KIF12: variants seen among roughly 807,000 people sequenced by gnomAD.
KIF12 encodes kinesin family member 12.
KIF12 carries 80 observed loss-of-function variants against 87.9 expected under a neutral mutation model. The observed-to-expected ratio is 0.91, with a 90% CI of 0.76 to 1.10. The LOEUF (loss-of-function observed/expected upper bound fraction) is 1.10, where lower values mean the gene tolerates loss of function less well. Among genes scored for constraint, KIF12 ranks in the 50% least tolerant of loss-of-function variants. The pLI is 0.00. For synonymous variants in KIF12, 353 were observed against 348.5 expected, an observed-to-expected ratio of 1.01 and a Z score of -0.14; for missense variants, 819 against 865.3, an observed-to-expected ratio of 0.95 and a Z score of 0.67.
intron 7 of KIF12, among the ~76,000 whole-genome samples, chr9:114,096,941 G>T (rs1847255957): frequency 6.6e-6 from 1 of 152,238 alleles, no homozygotes; most frequent in Non-Finnish European, 1.5e-5. Flanking sequence ...TGGAAGGGTG[G>T]AGGGTCTGGA....
chr9:114,092,976 T>G, intron 16 of KIF12: 1 of 1,367,366 alleles, frequency 7.3e-7, no homozygotes, highest in Non-Finnish European at 9.6e-7. Flanking sequence ...AATCCATAAG[T>G]GAGTAGATAT....
intron 16 of KIF12, 118 bp from the exon 17 acceptor site, chr9:114,092,760 C>A: frequency 1.3e-6 from 2 of 1,497,172 alleles, no homozygotes; most frequent in South Asian, 1.3e-5. Flanking sequence ...CCAAGAATGT[C>A]AGGATGGCAT....
rs749381022 is a variant in KIF12, at chr9:114,097,741, C to G, written c.376G>C (p.Gly126Arg). 24 of 1,612,732 alleles carry G rather than the reference C, an allele frequency of 1.5e-5. No individual in the cohort carries two copies. The highest frequency in any genetic ancestry group is 1.7e-4 in the Middle Eastern group (1 of 5,954). Residue 126 changes from glycine to arginine, a missense_variant and splice_region_variant, in exon 6 of 19, where the codon GGG becomes CGG. Physicochemically the swap from Gly to Arg is moderately radical, Grantham distance 125 (BLOSUM62 -2). Coordinates refer to ENST00000640217, the MANE Select transcript of KIF12 (RefSeq NM_001388308.1). ...CTGGGGGGTACAGGCACCCCCTCCC[C>G]CTAGGGGCAAAACCAGCTGAGCCAT... The part of the protein sequence containing the change: ...TYTLTGPPPQ[G>R]EGVPVPPSLA...
Position 114,099,092 on chromosome 9 carries a change from A to G in KIF12, c.92+12T>C. 6.5e-7 allele frequency: 1 copy of G among 1,550,386 alleles called. No homozygotes were observed. The highest frequency in any genetic ancestry group is 8.7e-7 in the Non-Finnish European group (1 of 1,146,922). On this transcript the variant is annotated intron_variant, in intron 2 of 18. Coordinates refer to ENST00000640217, the MANE Select transcript of KIF12 (RefSeq NM_001388308.1). ...GTCTCGCCCAGGTGCCTCCTAGCCA[A>G]TTTATACCCACCTGAGCACCACCTG...
chr9:114,094,254 C>A lies in KIF12; in HGVS notation c.1240G>T (p.Ala414Ser), dbSNP rs1021273702. Residue 414 changes from alanine (A) to serine (S), a missense_variant, in exon 13 of 19, where the codon GCC (alanine) becomes TCC (serine). By Grantham distance (99) the Ala-to-Ser change is moderately conservative. Transcript: ENST00000640217. ...TTCCGCTGGGCCCAGGCCACCCGGG[C>A]TCCACTGAGCCCTGAGGCTGCAGGG... is the stretch of plus-strand genomic sequence containing the variant. ...MDCKASGLSG[A>S]RVAWAQRNLY... 1.2e-6 allele frequency: 2 copies of A among 1,613,966 alleles called. No individual in the cohort carries two copies. Among genetic ancestry groups the A allele is most frequent in the Non-Finnish European group, 1.7e-6 (2 of 1,180,004 alleles).
chr9:114,092,124 C>G, intron 18 of KIF12, 124 bp from the exon 19 acceptor site: 1 of 1,440,902 alleles, frequency 6.9e-7, no homozygotes, highest in East Asian at 2.5e-5. Flanking sequence ...TCCCCCCACC[C>G]CACCCCCATA....
Position 114,099,022 on chromosome 9 carries a change from C to G in KIF12, c.93-9G>C, listed in dbSNP as rs1459902222. ...CGCTCATGGGACGTACCCTGGGGTCCGACAGAAGGGCAGATGGTACATCCT... is the reference window on the plus strand; with the variant it reads ...CGCTCATGGGACGTACCCTGGGGTCGGACAGAAGGGCAGATGGTACATCCT... On this transcript the variant is annotated splice_polypyrimidine_tract_variant and intron_variant, in intron 2 of 18. Transcript: ENST00000640217. The G allele has an allele frequency of 9.7e-6, 15 of 1,550,178 alleles. No homozygotes were observed. The highest frequency in any genetic ancestry group is 1.3e-5 in the Non-Finnish European group (15 of 1,146,842).
rs780331338 is a variant in KIF12, at chr9:114,092,620, C to A, written c.1619G>T (p.Gly540Val). Residue 540 changes from glycine to valine, a missense_variant, in exon 17 of 19, where the codon GGT becomes GTT. Transcript: ENST00000640217. ...GGGCCGGGCAGATGGGGGCCTGCCA[C>A]CTGAGGCCTCAGGGTCCAACACCTG... ...LPQVLDPEAS[G>V]GRPPSARPPP... 1 of 1,595,718 alleles carries A rather than the reference C, an allele frequency of 6.3e-7. No homozygotes were observed. The highest frequency in any genetic ancestry group is 8.5e-7 in the Non-Finnish European group (1 of 1,174,090).
chr9:114,097,301 C>T lies in KIF12; in HGVS notation c.646G>A (p.Gly216Ser), dbSNP rs1441853992. The change falls in exon 7 of 19, where the codon GGT becomes AGT. Residue 216 changes from glycine to serine, a missense_variant and splice_region_variant. Transcript: ENST00000640217. ...LEALMELLQT[G>S]LSRRRNSAHT... is the part of the protein sequence containing the mutation. ...AAAACTCCCCGCTGTCAGCACACAC[C>T]CGTTTGCAAAAGTTCCATCAGGGCC... 1.2e-6 allele frequency: 2 copies of T among 1,609,422 alleles called. No homozygotes were observed. Among genetic ancestry groups the T allele is most frequent in the African/African-American group, 1.3e-5 (1 of 74,568 alleles).
Position 114,098,305 on chromosome 9 carries a change from C to T in KIF12, c.296G>A (p.Arg99His), listed in dbSNP as rs1431721500. 2 of 1,467,914 alleles carry T rather than the reference C, an allele frequency of 1.4e-6. No individual in the cohort carries two copies. Among genetic ancestry groups the T allele is most frequent in the East Asian group, 2.8e-5 (1 of 35,202 alleles). The allele number at this position is 1,467,914 out of a possible 1,614,324, so 90.9% of individuals were successfully genotyped here. A position where few individuals can be genotyped will look rare whatever the true frequency, so the allele number is the denominator to read the frequency against. ...GCGGAGGCGAAGCTTCACTCACCCGCGCAGCGCCAGCTCCCCCAGGCGCCG... is the reference window on the plus strand; with the variant it reads ...GCGGAGGCGAAGCTTCACTCACCCGTGCAGCGCCAGCTCCCCCAGGCGCCG... ...GVRRLGELAL[R>H]GFSCTVFTFG... Residue 99 changes from arginine (R) to histidine (H), a missense_variant, in exon 4 of 19, where the codon CGC becomes CAC. By Grantham distance (29) the Arg-to-His change is conservative (BLOSUM62 0). Transcript: ENST00000640217.
chr9:114,095,454 A>C, intron 9 of KIF12, 122 bp from the exon 10 acceptor site: 1 of 1,017,482 alleles, frequency 9.8e-7, no homozygotes, highest in Non-Finnish European at 1.4e-6. Context: ...ATCTTTCCAC[A>C]TGATCTCATG....
chr9:114,094,307 C>T (rs1284666770), intron 12 of KIF12, 36 bp from the exon 13 acceptor site: 1 of 1,610,068 alleles, frequency 6.2e-7, no homozygotes, highest in Non-Finnish European at 8.5e-7. Flanking sequence ...TCCACAGGAG[C>T]CCCAGACCCT....
rs1002845856 is a variant in KIF12 at position 114,098,311 on chromosome 9, G to A, written c.290C>T (p.Ala97Val). 1.6e-5 allele frequency: 23 copies of A among 1,466,824 alleles called. No homozygotes were observed. In the African/African-American group the frequency reaches 2.1e-4, roughly 13 times the overall value. The allele number at this position is 1,466,824 out of a possible 1,614,324, so 90.9% of individuals were successfully genotyped here. Residue 97 changes from alanine (A) to valine (V), a missense_variant, in exon 4 of 19, where the codon GCG becomes GTG. Transcript: ENST00000640217. ...GCGAAGCTTCACTCACCCGCGCAGC[G>A]CCAGCTCCCCCAGGCGCCGCACGCC... is the stretch of plus-strand genomic sequence containing the variant. ...ACGVRRLGELALRGFSCTVFT... is the reference protein window; with the variant it reads ...ACGVRRLGELVLRGFSCTVFT...
chr9:114,097,203 T>C (rs1847268362), intron 7 of KIF12, 98 bp downstream of exon 7: 20 of 1,459,920 alleles, frequency 1.4e-5, no homozygotes, highest in Non-Finnish European at 1.7e-5. Context: ...GAATCATTTC[T>C]GAAGCTGCAG....
chr9:114,092,274 G>A, intron 18 of KIF12, 59 bp downstream of exon 18: 24 of 1,492,276 alleles, frequency 1.6e-5, no homozygotes, highest in South Asian at 1.4e-4. Flanking sequence ...TGGAGAGGGT[G>A]GGTTCTACCC....
Position 114,098,127 on chromosome 9 carries a change from T to G in KIF12, c.363A>C (p.Gly121=), listed in dbSNP as rs1261903405. The change falls in exon 5 of 19, where the codon GGA becomes GGC. Residue 121 remains glycine (G), a synonymous_variant. Coordinates refer to ENST00000640217, the MANE Select transcript of KIF12 (RefSeq NM_001388308.1). Reference sequence around the variant, plus strand: ...GGCGCTCGCTCACCTGGGGAGGGGGTCCAGTCAGGGTGTAGGTCTTCCCAG... The same window carrying G: ...GGCGCTCGCTCACCTGGGGAGGGGGGCCAGTCAGGGTGTAGGTCTTCCCAG... The part of the protein sequence containing the change: ...TGSGKTYTLT[G]PPPQGEGVPV... 6.5e-7 allele frequency: 1 copy of G among 1,547,014 alleles called. No homozygotes were observed. Among genetic ancestry groups the G allele is most frequent in the Non-Finnish European group, 8.7e-7 (1 of 1,146,034 alleles).
At position 114,091,907 on chromosome 9, in the gene KIF12, C is replaced by A. The variant is rs1159333451; in HGVS notation, c.1910G>T (p.Cys637Phe). The change falls in exon 19 of 19, where the codon TGC (cysteine) becomes TTC (phenylalanine). Residue 637 changes from cysteine to phenylalanine, a missense_variant. Transcript: ENST00000640217. ...SLRRGRSQPPCSEGARSPGQV... is the reference protein window; with the variant it reads ...SLRRGRSQPPFSEGARSPGQV... The stretch of plus-strand genomic sequence containing the variant: ...GCCTGGGCTCCGTGCGCCCTCACTG[C>A]AGGGTGGCTGGCTGCGGCCACGTCG... 1 of 1,612,960 alleles carries A rather than the reference C, an allele frequency of 6.2e-7. No homozygotes were observed. Among genetic ancestry groups the A allele is most frequent in the Non-Finnish European group, 8.5e-7 (1 of 1,179,544 alleles).
At position 114,098,409 on chromosome 9, in the gene KIF12, A is replaced by G; in HGVS notation, c.192T>C (p.Gly64=). ...RTLQVSPPGG[G]PEVAFRFGAV... is the part of the protein sequence containing the mutation. ...CACCGAAGCGGAACGCCACTTCTGG[A>G]CCCCCGCCTGGAGGACTCACCTGGC... The change falls in exon 4 of 19, where the codon GGT becomes GGC. Residue 64 remains glycine, a synonymous_variant. Coordinates refer to ENST00000640217, the MANE Select transcript of KIF12 (RefSeq NM_001388308.1). 6.7e-7 allele frequency: 1 copy of G among 1,492,026 alleles called. No homozygotes were observed. Among genetic ancestry groups the G allele is most frequent in the Non-Finnish European group, 8.9e-7 (1 of 1,125,550 alleles). 92.4% of individuals were successfully genotyped at this position (1,492,026 alleles called of 1,614,324 possible). A position where few individuals can be genotyped will look rare whatever the true frequency, so the allele number is the denominator to read the frequency against.
intron 18 of KIF12, 63 bp downstream of exon 18, chr9:114,092,270 G>C: frequency 6.7e-7 from 1 of 1,491,444 alleles, no homozygotes; most frequent in East Asian, 2.3e-5. Context: ...GGCCTGGAGA[G>C]GGTGGGTTCT....
Sources: gnomAD v4.1 joint callset for allele counts (sites outside exome capture counted in the v4.1 genomes callset) on GRCh38, gnomAD v4.1.1 for gene constraint, MANE v1.5 for transcripts, NCBI Gene and HGNC (gene_info 2026-07-23, HGNC 2026-07-21) for gene names.